Variants in MS4A3 observed in about 807,000 individuals in gnomAD.
The protein encoded by MS4A3 is membrane-spanning 4-domains subfamily A member 3.
Under a neutral mutation model 24.7 loss-of-function variants are expected in MS4A3, and 18 were observed. The observed-to-expected ratio is 0.73, with a 90% confidence interval of 0.50 to 1.08. The LOEUF is 1.08. Ranked by LOEUF, MS4A3 falls within the 50% of genes least tolerant of loss-of-function variation. MS4A3 has a pLI of 0.00. For synonymous variants in MS4A3, 84 were observed against 95.3 expected (o/e 0.88, Z 0.69); for missense variants, 282 against 251.7 (o/e 1.12, Z -0.82).
chr11:60,064,849 A>G (rs1053786875), intron 4 of MS4A3, among the ~76,000 whole-genome samples: 1 of 152,182 alleles, frequency 6.6e-6, no homozygotes, highest in Non-Finnish European at 1.5e-5. Context: ...TCTTCTGAGA[A>G]AACTGAAGCC....
At chr11:60,070,176 T>C in intron 6 of MS4A3, 28 bp from the exon 7 acceptor site, 4 of 1,580,904 alleles carry the variant, frequency 2.5e-6, no homozygotes, top group African/African-American at 1.3e-5. Flanking sequence ...ATCCTGTTCT[T>C]GGACATTAAT....
chr11:60,058,506 CAAAAAAAAAAAAAA>C (rs58722616), intron 1 of MS4A3, among the ~76,000 whole-genome samples: 254 of 17,868 alleles, frequency 0.014, no homozygotes, highest in African/African-American at 0.029. Context: ...AGCTCCAACT[CAAAAAAAAAAAAAA>C]AAAAAAAAAA....
intron 1 of MS4A3, 48 bp downstream of exon 1, chr11:60,056,788 G>A (rs889212037): frequency 2.0e-5 from 3 of 152,052 alleles, no homozygotes; most frequent in Admixed American, 6.6e-5. Flanking sequence ...TATATCTTTC[G>A]TTAAAATGCC....
intron 1 of MS4A3, 133 bp from the exon 2 acceptor site, chr11:60,061,013 T>C: frequency 2.9e-6 from 2 of 689,012 alleles, no homozygotes; most frequent in Non-Finnish European, 4.5e-6. Flanking sequence ...TCTGTTACTC[T>C]GCCCTGGTGT....
At position 60,070,556 on chromosome 11, in the gene MS4A3, G is replaced by C. The variant is rs1444246592; in HGVS notation, c.*323G>C. 2 of 250,462 alleles carry C rather than the reference G, an allele frequency of 8.0e-6. No individual in the cohort carries two copies. Among genetic ancestry groups the C allele is most frequent in the African/African-American group, 4.6e-5 (2 of 43,910 alleles). 15.5% of individuals were successfully genotyped at this position (250,462 alleles called of 1,614,324 possible). ...TTTCTTCTTATCCACCTACTCCATT[G>C]CTTTATGAGGTTTAAGGAAGGAAGG... On this transcript the variant is annotated 3_prime_UTR_variant, in exon 7 of 7. Coordinates refer to ENST00000278865, the MANE Select transcript of MS4A3 (RefSeq NM_006138.5).
At position 60,069,650 on chromosome 11, in the gene MS4A3, A is replaced by G. The variant is rs549070318; in HGVS notation, c.590A>G (p.Asn197Ser). 1.9e-6 allele frequency: 3 copies of G among 1,612,954 alleles called. No individual in the cohort carries two copies. The highest frequency in any genetic ancestry group is 4.5e-5 in the East Asian group (2 of 44,858). The change falls in exon 6 of 7, where the codon AAT becomes AGT. Residue 197 changes from asparagine to serine, a missense_variant. Transcript: ENST00000278865. Reference protein sequence around the residue: ...VTISTIAMWCNANCCNSREEI... With the variant: ...VTISTIAMWCSANCCNSREEI... ...ATCTCTACCATAGCCATGTGGTGCA[A>G]TGCAAACTGCTGTAATTCAAGAGAG...
chr11:60,056,851 A>C (rs939332026), intron 1 of MS4A3, 111 bp downstream of exon 1: 2 of 152,212 alleles, frequency 1.3e-5, no homozygotes, highest in African/African-American at 4.8e-5. Flanking sequence ...GTTGCTATGT[A>C]GAGGTTTGGA....
rs370879696 is a variant in MS4A3 at position 60,064,301 on chromosome 11, A to C, written c.334A>C (p.Lys112Gln). Residue 112 changes from lysine (K) to glutamine (Q), a missense_variant, in exon 4 of 7, where the codon AAA (lysine) becomes CAA (glutamine). Transcript: ENST00000278865. ...AACCTTGTCTGTTGTAGCAGGGATA[A>C]AACCCACAAGAACATGGGTAAGTAG... ...SGTLSVVAGI[K>Q]PTRTWIQNSF... 4 of 1,604,412 alleles carry C rather than the reference A, an allele frequency of 2.5e-6. No individual in the cohort carries two copies. The South Asian group carries it at 4.5e-5, about 18-fold the overall frequency.
At chr11:60,069,788 T>C in intron 6 of MS4A3, 113 bp downstream of exon 6, 1 of 818,266 alleles carries the variant, frequency 1.2e-6, no homozygotes, top group East Asian at 2.5e-5. Flanking sequence ...ATTTGTGGAG[T>C]TCCTGGAATT....
chr11:60,066,582 C>T (rs185941902), intron 4 of MS4A3, among the ~76,000 whole-genome samples: 91 of 152,304 alleles, frequency 6.0e-4, no homozygotes, highest in African/African-American at 1.9e-3. Flanking sequence ...TCCTGGCTGG[C>T]ACCCACAGCT....
intron 6 of MS4A3, 43 bp downstream of exon 6, chr11:60,069,718 C>T (rs1379328781): frequency 2.1e-6 from 3 of 1,445,024 alleles, no homozygotes; most frequent in Non-Finnish European, 1.9e-6. Flanking sequence ...GATCTCAAAG[C>T]CTCCCTGTAG....
chr11:60,070,096 T>A, intron 6 of MS4A3, 108 bp from the exon 7 acceptor site: 1 of 933,132 alleles, frequency 1.1e-6, no homozygotes, highest in South Asian at 1.4e-5. Flanking sequence ...ACAGTAAACA[T>A]CAATGAATGG....
chr11:60,065,672 G>A (rs1158425053), intron 4 of MS4A3, among the ~76,000 whole-genome samples: 1 of 152,186 alleles, frequency 6.6e-6, no homozygotes, highest in African/African-American at 2.4e-5. Context: ...CTTAAGCTAT[G>A]AGTAGCATTT....
intron 1 of MS4A3, chr11:60,060,893 A>C (rs1037107573): frequency 1.1e-5 from 3 of 280,852 alleles, no homozygotes; most frequent in African/African-American, 6.6e-5. Context: ...CAAAATGAGA[A>C]AGAAATTGCT....
chr11:60,062,662 T>C (rs1353848441), intron 3 of MS4A3, 57 bp downstream of exon 3: 1 of 1,588,458 alleles, frequency 6.3e-7, no homozygotes, highest in Non-Finnish European at 8.6e-7. Context: ...CTGCTGGAGA[T>C]GTGTTTGATG....
intron 1 of MS4A3, among the ~76,000 whole-genome samples, chr11:60,057,039 C>T (rs997215568): frequency 6.6e-6 from 1 of 152,198 alleles, no homozygotes; most frequent in Non-Finnish European, 1.5e-5. Flanking sequence ...CTGAGTTTGT[C>T]TGCCAGCTCT....
chr11:60,065,958 T>C (rs1178232185), intron 4 of MS4A3, among the ~76,000 whole-genome samples: 1 of 152,208 alleles, frequency 6.6e-6, no homozygotes, highest in African/African-American at 2.4e-5. Context: ...AATAAGTATT[T>C]CCAGCCCAGG....
chr11:60,068,542 G>A (rs893575373), intron 5 of MS4A3, among the ~76,000 whole-genome samples: 3 of 151,218 alleles, frequency 2.0e-5, no homozygotes, highest in South Asian at 2.1e-4. Flanking sequence ...ATGAGCCACC[G>A]CGCCCAGCCA....
chr11:60,062,789 ACTT>A, intron 3 of MS4A3, 184 bp downstream of exon 3: 1 of 386,448 alleles, frequency 2.6e-6, no homozygotes, highest in Non-Finnish European at 4.2e-6. Context: ...TTAATTAATT[ACTT>A]AATTAATTTA....
Sources: gnomAD v4.1 joint callset for allele counts (sites outside exome capture counted in the v4.1 genomes callset) on GRCh38, gnomAD v4.1.1 for gene constraint, MANE v1.5 for transcripts, NCBI Gene and HGNC (gene_info 2026-07-23, HGNC 2026-07-21) for gene names.